Variants in PNLIP observed in about 807,000 individuals in gnomAD.
PNLIP encodes pancreatic lipase.
In PNLIP, 49 loss-of-function variants were observed where a neutral mutation model predicts 57.1. The observed-to-expected ratio is 0.86, with a 90% confidence interval of 0.68 to 1.09. The LOEUF (loss-of-function observed/expected upper bound fraction) is 1.09. Ranked by LOEUF, PNLIP falls within the 50% of genes least tolerant of loss-of-function variation. PNLIP has a pLI of 0.00. For synonymous variants in PNLIP, 209 were observed against 200.4 expected (o/e 1.04, Z -0.36); for missense variants, 503 against 570.2 (o/e 0.88, Z 1.20).
intron 9 of PNLIP, among the ~76,000 whole-genome samples, 193 bp downstream of exon 9, chr10:116,556,311 G>A (rs1847253430): frequency 6.6e-6 from 1 of 152,152 alleles, no homozygotes; most frequent in South Asian, 2.1e-4. Flanking sequence ...GAAATGTCCT[G>A]TTTACTTTCA....
At position 116,554,132 on chromosome 10, in the gene PNLIP, T is replaced by A. The variant is rs1847226314; in HGVS notation, c.571+294T>A. Among the ~76,000 whole-genome samples the A allele has an allele frequency of 2.6e-5, 4 of 152,202 alleles. No homozygotes were observed. The South Asian group carries it at 8.3e-4, about 32-fold the overall frequency. On this transcript the variant is annotated intron_variant, in intron 6 of 12. Transcript: ENST00000369221. Reference sequence around the variant, plus strand: ...TTTGTAAAGTCTTCATTGATACCAATCTTTGGTCTACAGCACTCTGTTTAA... The same window carrying A: ...TTTGTAAAGTCTTCATTGATACCAAACTTTGGTCTACAGCACTCTGTTTAA...
chr10:116,550,591 C>G (rs1208054256), intron 4 of PNLIP, among the ~76,000 whole-genome samples: 2 of 152,122 alleles, frequency 1.3e-5, no homozygotes, highest in East Asian at 1.9e-4. Flanking sequence ...TGTGGAAAAA[C>G]TTATTTACCT....
intron 9 of PNLIP, among the ~76,000 whole-genome samples, chr10:116,557,834 C>T (rs543805571): frequency 2.6e-5 from 4 of 152,112 alleles, no homozygotes; most frequent in African/African-American, 4.8e-5. Context: ...TTTTCCTATA[C>T]GAATATGTCT....
chr10:116,551,283 A>C, intron 5 of PNLIP, 51 bp downstream of exon 5: 2 of 958,740 alleles, frequency 2.1e-6, no homozygotes, highest in Middle Eastern at 3.0e-4. Flanking sequence ...TTTCCAGATT[A>C]TCTTTCCAAA....
intron 9 of PNLIP, among the ~76,000 whole-genome samples, chr10:116,558,120 C>A (rs1847272257): frequency 6.6e-6 from 1 of 150,726 alleles, no homozygotes; most frequent in African/African-American, 2.4e-5. Context: ...ACTTTTGAGC[C>A]TATTGTCCTC....
intron 9 of PNLIP, 110 bp from the exon 10 acceptor site, chr10:116,559,044 A>T: frequency 3.0e-6 from 4 of 1,337,566 alleles, no homozygotes; most frequent in Non-Finnish European, 1.0e-6. Flanking sequence ...CCCATTTATC[A>T]TCAGAACAGA....
At chr10:116,556,820 G>A (rs1378774452) in intron 9 of PNLIP, among the ~76,000 whole-genome samples, 2 of 151,844 alleles carry the variant, frequency 1.3e-5, no homozygotes, top group African/African-American at 2.4e-5. Context: ...AAAATTTCCA[G>A]TAACAAATGT....
Position 116,555,348 on chromosome 10 carries a change from A to C in PNLIP, c.692-40A>C, listed in dbSNP as rs756225619. ...AGGGTGTTATAGTGTCTGAGTCTATATACATTAGCATAAACCCTCATGTAT... is the reference window on the plus strand; with the variant it reads ...AGGGTGTTATAGTGTCTGAGTCTATCTACATTAGCATAAACCCTCATGTAT... On this transcript the variant is annotated intron_variant, in intron 7 of 12. Coordinates refer to ENST00000369221, the MANE Select transcript of PNLIP (RefSeq NM_000936.4). 2.5e-6 allele frequency: 4 copies of C among 1,614,012 alleles called. No homozygotes were observed. The South Asian group carries it at 4.4e-5, about 18-fold the overall frequency.
At chr10:116,554,131 A>C (rs1309203813) in intron 6 of PNLIP, among the ~76,000 whole-genome samples, 1 of 152,022 alleles carries the variant, frequency 6.6e-6, no homozygotes, top group Non-Finnish European at 1.5e-5. Flanking sequence ...ATTGATACCA[A>C]TCTTTGGTCT....
intron 9 of PNLIP, among the ~76,000 whole-genome samples, chr10:116,558,694 G>A (rs117300332): frequency 0.016 from 2,472 of 150,848 alleles, 22 homozygotes; most frequent in African/African-American, 0.019. Context: ...GTGCAGCCTC[G>A]GCTCACTGCA....
chr10:116,561,837 G>A (rs1847318838), intron 12 of PNLIP, among the ~76,000 whole-genome samples: 1 of 152,204 alleles, frequency 6.6e-6, no homozygotes, highest in Admixed American at 6.5e-5. Context: ...TGATAGATGT[G>A]TGTTAGCTGA....
intron 9 of PNLIP, 107 bp downstream of exon 9, chr10:116,556,225 A>G: frequency 1.5e-6 from 1 of 686,104 alleles, no homozygotes; most frequent in Non-Finnish European, 2.6e-6. Context: ...ATACTTTTGA[A>G]CTTATACATG....
At chr10:116,565,446 G>A (rs1035141060) in intron 12 of PNLIP, among the ~76,000 whole-genome samples, 34 of 150,756 alleles carry the variant, frequency 2.3e-4, no homozygotes, top group Non-Finnish European at 3.7e-4. Flanking sequence ...TTGTATTCTG[G>A]CTATATAAAA....
chr10:116,562,141 G>A (rs918598149), intron 12 of PNLIP, among the ~76,000 whole-genome samples: 3 of 152,180 alleles, frequency 2.0e-5, no homozygotes, highest in East Asian at 3.9e-4. Context: ...GAACTACCAG[G>A]AAAGGTGATC....
At chr10:116,556,173 C>T (rs1847251872) in intron 9 of PNLIP, 55 bp downstream of exon 9, 3 of 964,214 alleles carry the variant, frequency 3.1e-6, no homozygotes, top group South Asian at 1.3e-5. Context: ...CTTCTCATGA[C>T]TGGTGTGCTT....
intron 12 of PNLIP, among the ~76,000 whole-genome samples, chr10:116,567,161 T>G (rs940911074): frequency 1.4e-5 from 2 of 147,610 alleles, no homozygotes; most frequent in Admixed American, 1.3e-4. Context: ...TTCTTTCTTT[T>G]CTTTCTTTCT....
At chr10:116,563,060 C>T (rs1847330605) in intron 12 of PNLIP, among the ~76,000 whole-genome samples, 3 of 152,040 alleles carry the variant, frequency 2.0e-5, no homozygotes, top group Non-Finnish European at 2.9e-5. Flanking sequence ...AATAATCAAT[C>T]GACACCAAAA....
At chr10:116,562,286 G>C (rs1305211988) in intron 12 of PNLIP, among the ~76,000 whole-genome samples, 1 of 152,170 alleles carries the variant, frequency 6.6e-6, no homozygotes, top group Non-Finnish European at 1.5e-5. Flanking sequence ...CTTTGCTTCT[G>C]GCAAAGATGG....
Position 116,558,195 on chromosome 10 carries a change from CTTTCT to C in PNLIP, c.931-955_931-951del, listed in dbSNP as rs1456325644. On this transcript the variant is annotated intron_variant, in intron 9 of 12. Transcript: ENST00000369221. ...TCTCTGTTCTACTTATGCAATCTTT[CTTTCT>C]TTTTTTTTTTTTTTTGAGACGGAGT... is the stretch of plus-strand genomic sequence containing the variant. 4.9e-5 allele frequency among the ~76,000 whole-genome samples: 6 copies of C among 123,208 alleles called. No homozygotes were observed. In the East Asian group the frequency reaches 6.8e-4, roughly 14 times the overall value. 80.8% of individuals were successfully genotyped at this position (123,208 alleles called of 152,430 possible). A position where few individuals can be genotyped will look rare whatever the true frequency, so the allele number is the denominator to read the frequency against.
Sources: gnomAD v4.1 joint callset for allele counts (sites outside exome capture counted in the v4.1 genomes callset) on GRCh38, gnomAD v4.1.1 for gene constraint, MANE v1.5 for transcripts, NCBI Gene and HGNC (gene_info 2026-07-23, HGNC 2026-07-21) for gene names.